DTX1: variants seen among roughly 807,000 people sequenced by gnomAD.
The protein encoded by DTX1 is deltex E3 ubiquitin ligase 1.
Under a neutral mutation model 57.8 loss-of-function variants are expected in DTX1, and 26 were observed. That is an observed-to-expected ratio of 0.45 (90% CI 0.33 to 0.62). DTX1 has a LOEUF of 0.62. DTX1 is among the 20% of genes least tolerant of loss of function. The probability of loss-of-function intolerance (pLI) is 0.02; values close to 1 mark genes in which losing one functional copy is unlikely to be tolerated. For synonymous variants in DTX1, 398 were observed against 394.1 expected, an observed-to-expected ratio of 1.01 and a Z score of -0.12; for missense variants, 704 against 895.3, an observed-to-expected ratio of 0.79 and a Z score of 2.73.
chr12:113,091,906 C>T (rs1950251389), intron 3 of DTX1, among the ~76,000 whole-genome samples: 1 of 152,168 alleles, frequency 6.6e-6, no homozygotes, highest in African/African-American at 2.4e-5. Flanking sequence ...CAGAACGTAT[C>T]CAGCCTGGGT....
intron 2 of DTX1, 122 bp downstream of exon 2, chr12:113,058,573 C>T (rs1163404921): frequency 2.0e-6 from 3 of 1,469,726 alleles, no homozygotes; most frequent in South Asian, 2.7e-5. Flanking sequence ...CCCTGCCTCA[C>T]CTCCAGAAAA....
In DTX1 at chr12:113,077,392, G is replaced by A; in HGVS notation, c.260-32G>A. On this transcript the variant is annotated intron_variant, in intron 2 of 9. Coordinates refer to ENST00000548759, the MANE Select transcript of DTX1 (RefSeq NM_004416.3). This position sits in a 1 kb window ranked among gnomAD's most constrained non-coding sequence, Gnocchi z 7.8. The stretch of plus-strand genomic sequence containing the variant: ...CCAGCCGCGCAGACCAACGCCCGCT[G>A]TGCTGACGCCTCCTCCCCATTTCGA... 2 of 1,568,648 alleles carry A rather than the reference G, an allele frequency of 1.3e-6. No individual in the cohort carries two copies. Among genetic ancestry groups the A allele is most frequent in the Non-Finnish European group, 1.7e-6 (2 of 1,163,950 alleles).
chr12:113,075,469 C>T (rs1227022586), intron 2 of DTX1, among the ~76,000 whole-genome samples: 1 of 152,232 alleles, frequency 6.6e-6, no homozygotes, highest in African/African-American at 2.4e-5. Flanking sequence ...AGCCTTTCTG[C>T]AGGTGTGCCA....
Position 113,062,350 on chromosome 12 carries a change from G to T in DTX1, c.259+3899G>T, listed in dbSNP as rs149995032. On this transcript the variant is annotated intron_variant, in intron 2 of 9. Transcript: ENST00000548759. The stretch of plus-strand genomic sequence containing the variant: ...AGCAGAAAAGCAGCATAGACAATAT[G>T]TAAGTGAATGCGTGTGGCTGTGTTC... 8.6e-3 allele frequency among the ~76,000 whole-genome samples: 1,314 copies of T among 152,338 alleles called. 18 individuals carry two copies. The highest frequency in any genetic ancestry group is 0.03 in the African/African-American group (1,238 of 41,572).
At position 113,097,959 on chromosome 12, in the gene DTX1, C is replaced by T. The variant is rs1950335040; in HGVS notation, c.*1020C>T. ...AGTCAGCCAAGATTTAAAGGGATGC[C>T]AGCGATTGCTCTTTTCAAAACCTAC... is the stretch of plus-strand genomic sequence containing the variant. On this transcript the variant is annotated 3_prime_UTR_variant, in exon 10 of 10. Coordinates refer to ENST00000548759, the MANE Select transcript of DTX1 (RefSeq NM_004416.3). 1 of 152,680 alleles carries T rather than the reference C, an allele frequency of 6.5e-6. No homozygotes were observed. Among genetic ancestry groups the T allele is most frequent in the Non-Finnish European group, 1.5e-5 (1 of 68,062 alleles). The allele number at this position is 152,680 out of a possible 1,614,324, so 9.5% of individuals were successfully genotyped here.
intron 2 of DTX1, among the ~76,000 whole-genome samples, chr12:113,076,127 G>A (rs1320448170): frequency 2.0e-5 from 3 of 152,070 alleles, no homozygotes; most frequent in African/African-American, 7.2e-5. Context: ...ACGGGAGTGG[G>A]CTGAAGATGG....
intron 3 of DTX1, among the ~76,000 whole-genome samples, chr12:113,085,986 G>A (rs1343006059): frequency 2.0e-5 from 3 of 152,188 alleles, no homozygotes; most frequent in African/African-American, 7.2e-5. Flanking sequence ...GCAAGGTATG[G>A]TCCAGGCACT....
intron 3 of DTX1, among the ~76,000 whole-genome samples, chr12:113,092,065 T>A (rs1461508215): frequency 6.6e-6 from 1 of 152,222 alleles, no homozygotes; most frequent in East Asian, 1.9e-4. Flanking sequence ...ATGCCTGTTT[T>A]ACAGATAAGG....
rs776295045 is a variant in DTX1, at chr12:113,064,385, C to T, written c.259+5934C>T. Among the ~76,000 whole-genome samples, 16 of 152,340 alleles carry T rather than the reference C, an allele frequency of 1.1e-4. No homozygotes were observed. In the South Asian group the frequency reaches 1.2e-3, roughly 12 times the overall value. On this transcript the variant is annotated intron_variant, in intron 2 of 9. Transcript: ENST00000548759. ...AAGCCTGTTTTGAAACTAAATTCAT[C>T]GCTCGTATTTGGTAGTCATTGGTGG...
In DTX1 at chr12:113,057,978, A is replaced by G. The variant is rs2136420417; in HGVS notation, c.-215A>G. On this transcript the variant is annotated 5_prime_UTR_variant, in exon 2 of 10. Coordinates refer to ENST00000548759, the MANE Select transcript of DTX1 (RefSeq NM_004416.3). ...CCAGGGCAGCACCCTTTATCGGAGA[A>G]GGCTCTACAGGGAAGGGGTCTTTGC... is the stretch of plus-strand genomic sequence containing the variant. 1.5e-6 allele frequency: 1 copy of G among 685,114 alleles called. No homozygotes were observed. Among genetic ancestry groups the G allele is most frequent in the Admixed American group, 3.1e-5 (1 of 31,962 alleles). The allele number at this position is 685,114 out of a possible 1,614,324, so 42.4% of individuals were successfully genotyped here. A position where few individuals can be genotyped will look rare whatever the true frequency, so the allele number is the denominator to read the frequency against.
At chr12:113,057,302 G>T (rs2136419724) in intron 1 of DTX1, 147 bp from the exon 2 acceptor site, 1 of 152,354 alleles carries the variant, frequency 6.6e-6, no homozygotes, top group Middle Eastern at 3.4e-3. Context: ...CTGCCCCAAG[G>T]GAAAGCGGGC....
intron 3 of DTX1, among the ~76,000 whole-genome samples, chr12:113,087,499 G>A (rs556058766): frequency 1.3e-5 from 2 of 152,240 alleles, no homozygotes; most frequent in Admixed American, 6.5e-5. Flanking sequence ...ACTGTGGGGG[G>A]AGGAGGGGGA....
chr12:113,058,732 G>A (rs1013116449), intron 2 of DTX1, among the ~76,000 whole-genome samples: 1 of 152,216 alleles, frequency 6.6e-6, no homozygotes, highest in Non-Finnish European at 1.5e-5. Flanking sequence ...TCACAGCTGA[G>A]TGAGGATTAA....
rs1427771198 is a variant in DTX1 at position 113,094,040 on chromosome 12, A to C, written c.1168A>C (p.Lys390Gln). Residue 390 changes from lysine to glutamine, a missense_variant and splice_region_variant, in exon 6 of 10, where the codon AAG (lysine) becomes CAG (glutamine). This residue lies in a region of DTX1 where 299 missense variants were observed against 311.2 expected (regional missense o/e 0.96). Coordinates refer to ENST00000548759, the MANE Select transcript of DTX1 (RefSeq NM_004416.3). ...CCCACCCCGCTGTGTCCCTGCAGGT[A>C]AGAATCCCGAGGATGTGGTTCGAAG... ...KTKKKHLKKSKNPEDVVRRYM... is the reference protein window; with the variant it reads ...KTKKKHLKKSQNPEDVVRRYM... 1 of 1,574,074 alleles carries C rather than the reference A, an allele frequency of 6.4e-7. No homozygotes were observed. The highest frequency in any genetic ancestry group is 8.6e-7 in the Non-Finnish European group (1 of 1,158,760).
Position 113,093,287 on chromosome 12 carries a change from C to G in DTX1, c.1003+64C>G, listed in dbSNP as rs527279831. 12 of 1,512,496 alleles carry G rather than the reference C, an allele frequency of 7.9e-6. No individual in the cohort carries two copies. In the East Asian group the frequency reaches 2.5e-4, roughly 31 times the overall value. The allele number at this position is 1,512,496 out of a possible 1,614,324, so 93.7% of individuals were successfully genotyped here. A position where few individuals can be genotyped will look rare whatever the true frequency, so the allele number is the denominator to read the frequency against. On this transcript the variant is annotated intron_variant, in intron 4 of 9. Transcript: ENST00000548759. This position sits in a 1 kb window ranked among gnomAD's most constrained non-coding sequence, Gnocchi z 4.2. Reference sequence around the variant, plus strand: ...CACTAGGAGGCAGCTCCGCCTGTCACCCGGTGACCCCGCCCCCGAGATGGG... The same window carrying G: ...CACTAGGAGGCAGCTCCGCCTGTCAGCCGGTGACCCCGCCCCCGAGATGGG...
At chr12:113,058,508 C>T (rs1732785) in intron 2 of DTX1, 57 bp downstream of exon 2, 431,834 of 1,542,196 alleles carry the variant, frequency 0.28, 61,502 homozygotes, top group South Asian at 0.4. Context: ...TACCTTGCAG[C>T]GTAGGATGCT....
chr12:113,079,926 T>C (rs1732802), intron 3 of DTX1, among the ~76,000 whole-genome samples: 103,475 of 151,986 alleles, frequency 0.68, 36,643 homozygotes, highest in African/African-American at 0.83. Flanking sequence ...GCCTCAGTTT[T>C]GTCATCTGTC....
chr12:113,067,851 G>A (rs1356475691), intron 2 of DTX1, among the ~76,000 whole-genome samples: 1 of 148,018 alleles, frequency 6.8e-6, no homozygotes. Flanking sequence ...GAGCAATGTA[G>A]TGAAACCCCA....
rs182277164 is a variant in DTX1, at chr12:113,062,202, T to G, written c.259+3751T>G. Among the ~76,000 whole-genome samples, 962 of 152,350 alleles carry G rather than the reference T, an allele frequency of 6.3e-3. 11 individuals carry two copies. The highest frequency in any genetic ancestry group is 0.022 in the African/African-American group (905 of 41,580). On this transcript the variant is annotated intron_variant, in intron 2 of 9. Coordinates refer to ENST00000548759, the MANE Select transcript of DTX1 (RefSeq NM_004416.3). ...CTGAACTTGAACTTTGAGGGGAGAC[T>G]GCCCTAGCTTTGCTAGTTTCCCAAT...
Sources: allele counts gnomAD v4.1 joint callset (sites outside exome capture counted in the v4.1 genomes callset), GRCh38; gene constraint gnomAD v4.1.1; regional missense constraint gnomAD v4.1.1; non-coding constraint Gnocchi (gnomAD v3.1); transcripts MANE v1.5; gene names NCBI Gene and HGNC (gene_info 2026-07-23, HGNC 2026-07-21).